Variants in PCDHA12 observed in about 807,000 individuals in gnomAD.
PCDHA12 encodes the protein protocadherin alpha 12.
A neutral mutation model predicts 60.0 loss-of-function variants in PCDHA12; 44 were observed. That is an observed-to-expected ratio of 0.73 (90% confidence interval 0.58 to 0.94). The LOEUF (loss-of-function observed/expected upper bound fraction) is 0.94, where lower values mean the gene tolerates loss of function less well. PCDHA12 is among the 40% of genes least tolerant of loss of function. The pLI is 0.00. For synonymous variants in PCDHA12, 569 were observed against 553.0 expected, an observed-to-expected ratio of 1.03 and a Z score of -0.40; for missense variants, 1,276 against 1,239.7, an observed-to-expected ratio of 1.03 and a Z score of -0.44.
chr5:140,894,574 T>C (rs997238240), intron 1 of PCDHA12, among the ~76,000 whole-genome samples: 2 of 152,002 alleles, frequency 1.3e-5, no homozygotes, highest in African/African-American at 2.4e-5. Context: ...TTTTCCTTTT[T>C]TTTAATATTT....
At chr5:140,895,339 T>C (rs1331642230) in intron 1 of PCDHA12, among the ~76,000 whole-genome samples, 3 of 152,196 alleles carry the variant, frequency 2.0e-5, no homozygotes, top group African/African-American at 4.8e-5. Context: ...ATTGTTTTAC[T>C]ATGCTTTCCA....
chr5:140,883,226 G>A, intron 1 of PCDHA12: 2 of 1,613,938 alleles, frequency 1.2e-6, no homozygotes, highest in South Asian at 1.1e-5. Flanking sequence ...TGAAATATCC[G>A]TGGAGGCAGT....
At chr5:140,966,838 G>A in intron 1 of PCDHA12, 1 of 1,566,774 alleles carries the variant, frequency 6.4e-7, no homozygotes, top group South Asian at 1.2e-5. Context: ...CCTGGCTGCT[G>A]CTACTGCCTC....
chr5:141,010,293 G>T lies in PCDHA12; in HGVS notation c.*356G>T. 6.5e-7 allele frequency: 1 copy of T among 1,549,794 alleles called. No homozygotes were observed. Among genetic ancestry groups the T allele is most frequent in the Non-Finnish European group, 8.7e-7 (1 of 1,146,454 alleles). On this transcript the variant is annotated 3_prime_UTR_variant, in exon 4 of 4. Coordinates refer to ENST00000398631, the MANE Select transcript of PCDHA12 (RefSeq NM_018903.4). ...ATCCTGTCTTGATGACACTTGCAGG[G>T]CAGGCTGAAAAGTTTTGAGATTGAG...
At chr5:140,993,462 T>TCACACACACACACACA (rs3836747) in intron 3 of PCDHA12, among the ~76,000 whole-genome samples, 10 of 140,938 alleles carry the variant, frequency 7.1e-5, no homozygotes, top group African/African-American at 2.4e-4. Flanking sequence ...TCTTTCTTTC[T>TCACACACACACACACA]CACACACACA....
chr5:141,007,200 G>T (rs1437076735), intron 3 of PCDHA12, among the ~76,000 whole-genome samples: 2 of 152,010 alleles, frequency 1.3e-5, no homozygotes, highest in Admixed American at 6.6e-5. Context: ...GATGGTGGGG[G>T]CCAGAATATG....
chr5:140,915,374 G>A (rs1310466402), intron 1 of PCDHA12, among the ~76,000 whole-genome samples: 3 of 152,016 alleles, frequency 2.0e-5, no homozygotes, highest in Non-Finnish European at 4.4e-5. Flanking sequence ...TAAGTGTCTC[G>A]GCATTGAAGA....
Position 140,928,713 on chromosome 5 carries a change from T to C in PCDHA12, c.2368-50236T>C, listed in dbSNP as rs535812769. The C allele has an allele frequency of 3.1e-6, 5 of 1,614,142 alleles. No individual in the cohort carries two copies. In the African/African-American group the frequency reaches 6.7e-5, roughly 22 times the overall value. ...ACATCTCCCGGGCGTCTGACTCTAG[T>C]CTCTTTAGAATTTCAGCCAATATAG... On this transcript the variant is annotated intron_variant, in intron 1 of 3. Coordinates refer to ENST00000398631, the MANE Select transcript of PCDHA12 (RefSeq NM_018903.4).
chr5:140,928,843 A>T (rs782153694), intron 1 of PCDHA12: 3 of 1,614,018 alleles, frequency 1.9e-6, no homozygotes, highest in Non-Finnish European at 2.5e-6. Flanking sequence ...CTCCTCTGTC[A>T]CTCTGGGTGT....
intron 1 of PCDHA12, among the ~76,000 whole-genome samples, chr5:140,906,797 A>G (rs2072940556): frequency 6.6e-6 from 1 of 151,964 alleles, no homozygotes; most frequent in African/African-American, 2.4e-5. Context: ...TTCCATGCAT[A>G]CTCTTCCTTA....
chr5:140,951,220 C>G (rs1554219798), intron 1 of PCDHA12, among the ~76,000 whole-genome samples: 1 of 151,926 alleles, frequency 6.6e-6, no homozygotes, highest in Non-Finnish European at 1.5e-5. Context: ...GGTTTGGATT[C>G]TTGATGGTCT....
rs1282110712 is a variant in PCDHA12, at chr5:140,926,177, A to G, written c.2367+48338A>G. Among the ~76,000 whole-genome samples the G allele has an allele frequency of 2.0e-5, 3 of 151,672 alleles. No individual in the cohort carries two copies. The South Asian group carries it at 6.6e-4, about 34-fold the overall frequency. On this transcript the variant is annotated intron_variant, in intron 1 of 3. Coordinates refer to ENST00000398631, the MANE Select transcript of PCDHA12 (RefSeq NM_018903.4). ...CTCTGCAGCAGGATCCAGCGCGGAA[A>G]GCCCCCCGCAGCACTTCTTTCGGGG...
intron 1 of PCDHA12, among the ~76,000 whole-genome samples, chr5:140,887,453 T>C (rs2061454477): frequency 6.6e-6 from 1 of 152,178 alleles, no homozygotes; most frequent in Non-Finnish European, 1.5e-5. Flanking sequence ...TGACAGTTTT[T>C]TAAAAGATAT....
intron 1 of PCDHA12, chr5:140,929,005 A>G: frequency 6.2e-7 from 1 of 1,614,062 alleles, no homozygotes; most frequent in Non-Finnish European, 8.5e-7. Context: ...CTTCGTGTGT[A>G]CCAAGTTGCA....
At chr5:140,933,458 C>G (rs1040429377) in intron 1 of PCDHA12, among the ~76,000 whole-genome samples, 2 of 151,968 alleles carry the variant, frequency 1.3e-5, no homozygotes, top group Non-Finnish European at 2.9e-5. Flanking sequence ...TCAAAATATA[C>G]TCTGAATTCA....
intron 1 of PCDHA12, chr5:140,967,393 G>A (rs1437861925): frequency 1.2e-6 from 2 of 1,609,910 alleles, no homozygotes; most frequent in African/African-American, 2.7e-5. Flanking sequence ...TGCTTGAGCT[G>A]GTGCTGCGTA....
intron 1 of PCDHA12, among the ~76,000 whole-genome samples, chr5:140,948,600 A>G (rs1369107358): frequency 6.6e-6 from 1 of 151,576 alleles, no homozygotes; most frequent in African/African-American, 2.4e-5. Flanking sequence ...TCAATTTATC[A>G]TATTTTTGGC....
At chr5:140,927,295 G>T (rs1343982131) in intron 1 of PCDHA12, 2 of 1,614,032 alleles carry the variant, frequency 1.2e-6, no homozygotes, top group African/African-American at 2.7e-5. Context: ...GCACATCCCC[G>T]AGTTCCTGAC....
intron 1 of PCDHA12, chr5:140,884,510 T>G: frequency 6.2e-7 from 1 of 1,613,982 alleles, no homozygotes; most frequent in Non-Finnish European, 8.5e-7. Flanking sequence ...GGCAGGGAGT[T>G]GGTCGTACTC....
Sources: gnomAD v4.1 joint callset for allele counts (sites outside exome capture counted in the v4.1 genomes callset) on GRCh38, gnomAD v4.1.1 for gene constraint, MANE v1.5 for transcripts, NCBI Gene and HGNC (gene_info 2026-07-23, HGNC 2026-07-21) for gene names.